ALG8: variants seen among roughly 807,000 people sequenced by gnomAD.
ALG8 encodes dolichyl pyrophosphate Glc1Man9GlcNAc2 alpha-1,3-glucosyltransferase.
A neutral mutation model predicts 70.2 loss-of-function variants in ALG8; 48 were observed. The observed-to-expected ratio is 0.68, with a 90% CI of 0.54 to 0.87. ALG8 has a LOEUF of 0.87. Ranked by LOEUF, ALG8 falls within the 40% of genes least tolerant of loss-of-function variation. ALG8 has a pLI of 0.00. For missense variants in ALG8, 572 were observed against 608.7 expected, an observed-to-expected ratio of 0.94 and a Z score of 0.64; for synonymous variants, 234 against 229.0, an observed-to-expected ratio of 1.02 and a Z score of -0.20.
At chr11:78,130,367 A>AAAAAAAAAAAAAG (rs11275338) in intron 1 of ALG8, among the ~76,000 whole-genome samples, 1 of 150,486 alleles carries the variant, frequency 6.6e-6, no homozygotes, top group Non-Finnish European at 1.5e-5. Context: ...AAAAAAAAAA[A>AAAAAAAAAAAAAG]GGTGAGAATA....
At chr11:78,133,629 C>T (rs1478959226) in intron 1 of ALG8, 2 of 152,062 alleles carry the variant, frequency 1.3e-5, no homozygotes, top group Non-Finnish European at 2.9e-5. Context: ...TGGCCGGCCG[C>T]GGTGGCTCAC....
At chr11:78,125,467 T>G (rs1590831921) in intron 2 of ALG8, among the ~76,000 whole-genome samples, 1 of 151,542 alleles carries the variant, frequency 6.6e-6, no homozygotes, top group South Asian at 2.1e-4. Flanking sequence ...AAAATTTGCC[T>G]TAAAAAAAAC....
intron 1 of ALG8, among the ~76,000 whole-genome samples, chr11:78,133,699 G>C (rs1861409602): frequency 6.6e-6 from 1 of 152,072 alleles, no homozygotes; most frequent in Non-Finnish European, 1.5e-5. Context: ...AGGAGATCGA[G>C]ACCACCCTGG....
At chr11:78,112,886 TAG>T in intron 7 of ALG8, 116 bp from the exon 8 acceptor site, 1 of 1,308,056 alleles carries the variant, frequency 7.6e-7, no homozygotes, top group Non-Finnish European at 1.1e-6. Context: ...GTCTGGGTTC[TAG>T]TAAGTAAGTG....
intron 5 of ALG8, among the ~76,000 whole-genome samples, chr11:78,117,988 G>A (rs1046890898): frequency 1.7e-4 from 25 of 146,332 alleles, no homozygotes; most frequent in Admixed American, 1.3e-3. Context: ...GGAGAATGGC[G>A]TGAACCCAGG....
intron 8 of ALG8, among the ~76,000 whole-genome samples, chr11:78,110,487 C>G (rs1860237631): frequency 6.6e-6 from 1 of 152,188 alleles, no homozygotes; most frequent in Admixed American, 6.6e-5. Flanking sequence ...CCAACGTGCA[C>G]AGCTGAGTGA....
At chr11:78,105,450 C>A (rs376828161) in intron 10 of ALG8, among the ~76,000 whole-genome samples, 1 of 152,038 alleles carries the variant, frequency 6.6e-6, no homozygotes, top group African/African-American at 2.4e-5. Context: ...CTAATTCTTG[C>A]GACCTGTATG....
chr11:78,112,611 A>C, intron 8 of ALG8, 39 bp downstream of exon 8: 1 of 1,610,930 alleles, frequency 6.2e-7, no homozygotes, highest in Non-Finnish European at 8.5e-7. Context: ...AAGTCCTTTC[A>C]ATATTCAGAG....
intron 3 of ALG8, among the ~76,000 whole-genome samples, chr11:78,123,315 G>GAAAAAAAAAAAAAAAAAAAAAAAAAA (rs1220218900): frequency 6.8e-5 from 6 of 88,540 alleles, no homozygotes; most frequent in South Asian, 3.8e-4. Flanking sequence ...GGAAAAAAAA[G>GAAAAAAAAAAAAAAAAAAAAAAAAAA]AAAAAAAAAA....
At chr11:78,139,148 C>T (rs1427796043) in intron 1 of ALG8, 4 of 383,354 alleles carry the variant, frequency 1.0e-5, no homozygotes, top group South Asian at 9.3e-5. Flanking sequence ...CTCACCACCG[C>T]ATCTCCCGGG....
intron 8 of ALG8, among the ~76,000 whole-genome samples, chr11:78,111,492 A>G (rs965704319): frequency 6.6e-6 from 1 of 152,252 alleles, no homozygotes; most frequent in Non-Finnish European, 1.5e-5. Flanking sequence ...AAACCAAGTC[A>G]TCAGACTCTA....
rs935243264 is a variant in ALG8 at position 78,103,609 on chromosome 11, C to T, written c.1349+371G>A. ...CGCCATTGCCCTCCAGCCTGGGCAA[C>T]AAGAGCAAAACTCCGTCTCAAAAAA... On this transcript the variant is annotated intron_variant, in intron 12 of 12. Transcript: ENST00000299626. The T allele has an allele frequency of 4.0e-5, 7 of 173,062 alleles. No individual in the cohort carries two copies. In the East Asian group the frequency reaches 7.0e-4, roughly 17 times the overall value. The allele number at this position is 173,062 out of a possible 1,614,324, so 10.7% of individuals were successfully genotyped here.
intron 6 of ALG8, 129 bp from the exon 7 acceptor site, chr11:78,114,118 G>A: frequency 7.2e-7 from 1 of 1,380,998 alleles, no homozygotes; most frequent in Non-Finnish European, 1.0e-6. Context: ...GGCAAGAGCA[G>A]AGAAAAGCGA....
chr11:78,132,947 C>T (rs1259637985), intron 1 of ALG8, among the ~76,000 whole-genome samples: 1 of 151,222 alleles, frequency 6.6e-6, no homozygotes, highest in Non-Finnish European at 1.5e-5. Flanking sequence ...TGCCATTCTC[C>T]TGCCTCAGCC....
At chr11:78,126,492 A>AAGAG (rs1861083829) in intron 2 of ALG8, among the ~76,000 whole-genome samples, 2 of 150,066 alleles carry the variant, frequency 1.3e-5, no homozygotes, top group South Asian at 4.2e-4. Flanking sequence ...AGATTGTGCC[A>AAGAG]CTGCACTCCA....
intron 1 of ALG8, chr11:78,139,006 T>A: frequency 2.9e-6 from 1 of 346,844 alleles, no homozygotes. Flanking sequence ...GAATTTCAAC[T>A]CAAACATCAC....
chr11:78,106,736 G>T, intron 10 of ALG8, 71 bp downstream of exon 10: 2 of 1,596,968 alleles, frequency 1.3e-6, no homozygotes, highest in Non-Finnish European at 1.7e-6. Flanking sequence ...GACAAGAAGG[G>T]ACAGAGCAAA....
At chr11:78,106,266 C>T (rs913967630) in intron 10 of ALG8, among the ~76,000 whole-genome samples, 2 of 151,410 alleles carry the variant, frequency 1.3e-5, no homozygotes, top group African/African-American at 2.4e-5. Context: ...GGTGCGATCT[C>T]GGCTCACTGC....
chr11:78,103,948 G>T, intron 12 of ALG8, 32 bp downstream of exon 12: 2 of 1,214,004 alleles, frequency 1.6e-6, no homozygotes, highest in Non-Finnish European at 2.4e-6. Context: ...TTTCACAAGA[G>T]TAAGTATAAT....
Sources: allele counts gnomAD v4.1 joint callset (sites outside exome capture counted in the v4.1 genomes callset), GRCh38; gene constraint gnomAD v4.1.1; transcripts MANE v1.5; gene names NCBI Gene and HGNC (gene_info 2026-07-23, HGNC 2026-07-21).